Variants in CSMD3 observed in about 807,000 individuals in gnomAD.
CSMD3 encodes the protein CUB and sushi domain-containing protein 3.
In CSMD3, 177 loss-of-function variants were observed where a neutral mutation model predicts 435.2. The ratio of observed to expected loss-of-function variants is 0.41; its 90% CI spans 0.36 to 0.46. The LOEUF (loss-of-function observed/expected upper bound fraction) is 0.46, where lower values mean the gene tolerates loss of function less well. CSMD3 is among the 20% of genes least tolerant of loss of function. The pLI, the probability that CSMD3 is intolerant of heterozygous loss-of-function variation, is 0.34. For missense variants in CSMD3, 4,265 were observed against 4,504.6 expected (o/e 0.95, Z 1.52); for synonymous variants, 1,656 against 1,520.5 (o/e 1.09, Z -2.07).
Position 112,569,653 on chromosome 8 carries a change from A to G in CSMD3, c.4042+3848T>C, listed in dbSNP as rs193056275. Among the ~76,000 whole-genome samples, 232 of 152,308 alleles carry G rather than the reference A, an allele frequency of 1.5e-3. 1 individual carries two copies. The highest frequency in any genetic ancestry group is 1.2e-3 in the Non-Finnish European group (79 of 68,012). ...ATAGATAATGGAATACAGGGTGACT[A>G]TCATTAAATAGGGCAGGTATCATTT... On this transcript the variant is annotated intron_variant, in intron 24 of 70. Coordinates refer to ENST00000297405, the MANE Select transcript of CSMD3 (RefSeq NM_198123.2).
rs369067249 is a variant in CSMD3, at chr8:112,380,339, A to G, written c.6136+13T>C. 228 of 1,369,548 alleles carry G rather than the reference A, an allele frequency of 1.7e-4. No individual in the cohort carries two copies. The highest frequency in any genetic ancestry group is 1.8e-4 in the Non-Finnish European group (173 of 958,028). 84.8% of individuals were successfully genotyped at this position (1,369,548 alleles called of 1,614,324 possible). A position where few individuals can be genotyped will look rare whatever the true frequency, so the allele number is the denominator to read the frequency against. On this transcript the variant is annotated intron_variant, in intron 38 of 70. Transcript: ENST00000297405. ...TCTTAACCTTTTTGAATGGCACATG[A>G]TATTATTTTTACCTGTGTATTCAAG...
At chr8:113,055,749 TAGCAGA>T (rs1416263785) in intron 5 of CSMD3, among the ~76,000 whole-genome samples, 1 of 152,208 alleles carries the variant, frequency 6.6e-6, no homozygotes, top group Non-Finnish European at 1.5e-5. Context: ...TTTTCAGGGA[TAGCAGA>T]GTTTCTTGAG....
intron 32 of CSMD3, among the ~76,000 whole-genome samples, chr8:112,435,230 G>A (rs372719130): frequency 6.6e-6 from 1 of 151,984 alleles, no homozygotes; most frequent in East Asian, 1.9e-4. Flanking sequence ...CTTTTTGTGC[G>A]GGTAGATAGC....
chr8:113,327,666 T>C (rs1317879402), intron 1 of CSMD3, among the ~76,000 whole-genome samples: 2 of 152,118 alleles, frequency 1.3e-5, no homozygotes, highest in Non-Finnish European at 2.9e-5. Flanking sequence ...CTATTTAACC[T>C]ATCTTGCATT....
chr8:112,257,129 A>C (rs1420315650), intron 61 of CSMD3, among the ~76,000 whole-genome samples: 1 of 152,232 alleles, frequency 6.6e-6, no homozygotes, highest in South Asian at 2.1e-4. Flanking sequence ...ACAGCTATTT[A>C]TAACAAACCC....
chr8:112,850,352 T>C (rs2080450065), intron 11 of CSMD3, among the ~76,000 whole-genome samples: 1 of 152,148 alleles, frequency 6.6e-6, no homozygotes, highest in African/African-American at 2.4e-5. Flanking sequence ...TTACAAATAA[T>C]GACAAATATA....
intron 5 of CSMD3, among the ~76,000 whole-genome samples, chr8:113,047,291 G>C (rs1315110454): frequency 6.6e-6 from 1 of 152,180 alleles, no homozygotes; most frequent in Non-Finnish European, 1.5e-5. Context: ...GTGAGGAAGG[G>C]ATTTTCTGTT....
At chr8:112,692,447 T>C (rs139206934) in intron 13 of CSMD3, among the ~76,000 whole-genome samples, 5 of 152,260 alleles carry the variant, frequency 3.3e-5, no homozygotes, top group Admixed American at 3.3e-4. Context: ...GTATTCAGTA[T>C]ATGTATATCG....
intron 3 of CSMD3, among the ~76,000 whole-genome samples, chr8:113,194,901 G>A (rs951552868): frequency 8.6e-5 from 13 of 151,124 alleles, no homozygotes; most frequent in African/African-American, 1.7e-4. Context: ...TATGTATTTC[G>A]TTAAAGTCTT....
chr8:113,278,625 C>A lies in CSMD3; in HGVS notation c.481G>T (p.Val161Phe). 1 of 1,593,684 alleles carries A rather than the reference C, an allele frequency of 6.3e-7. No homozygotes were observed. The highest frequency in any genetic ancestry group is 8.6e-7 in the Non-Finnish European group (1 of 1,161,770). ...FSLRLTSDFA[V>F]SAHGFKVYYE... ...TATACCTTAAATCCATGAGCACTAA[C>A]TGCAAAATCACTGGTCAAACGTAGT... The change falls in exon 3 of 71, where the codon GTT (valine) becomes TTT (phenylalanine). Residue 161 changes from valine (V) to phenylalanine (F), a missense_variant. Val to Phe is a conservative substitution (Grantham distance 50). Transcript: ENST00000297405.
At chr8:113,171,599 C>A (rs2092268830) in intron 4 of CSMD3, among the ~76,000 whole-genome samples, 1 of 151,936 alleles carries the variant, frequency 6.6e-6, no homozygotes, top group South Asian at 2.1e-4. Context: ...CATATAATAT[C>A]CAATTCCTCC....
chr8:112,599,499 C>A lies in CSMD3; in HGVS notation c.3716-12264G>T, dbSNP rs1343839800. On this transcript the variant is annotated intron_variant, in intron 22 of 70. Coordinates refer to ENST00000297405, the MANE Select transcript of CSMD3 (RefSeq NM_198123.2). ...ATCTAGAACTAGAAATACCATTTGA[C>A]CCAGCCATCCCATTACTGGGTATAC... Among the ~76,000 whole-genome samples, 5 of 151,784 alleles carry A rather than the reference C, an allele frequency of 3.3e-5. No individual in the cohort carries two copies. The East Asian group carries it at 5.9e-4, about 18-fold the overall frequency.
chr8:112,677,120 T>G (rs1277796359), intron 16 of CSMD3, among the ~76,000 whole-genome samples: 2 of 151,780 alleles, frequency 1.3e-5, no homozygotes, highest in African/African-American at 4.8e-5. Context: ...CAGAGTACAG[T>G]GGAGTGGATT....
chr8:112,342,429 T>C (rs985668030), intron 41 of CSMD3, among the ~76,000 whole-genome samples: 1 of 152,144 alleles, frequency 6.6e-6, no homozygotes, highest in African/African-American at 2.4e-5. Flanking sequence ...TTCTTACTAT[T>C]ATCACTCTCT....
intron 20 of CSMD3, among the ~76,000 whole-genome samples, chr8:112,641,388 G>GT (rs1282505410): frequency 2.6e-5 from 4 of 152,132 alleles, no homozygotes; most frequent in Admixed American, 1.3e-4. Context: ...TTAGAAGACT[G>GT]TAAGTAACTC....
At chr8:112,379,391 C>T (rs773272207) in intron 38 of CSMD3, among the ~76,000 whole-genome samples, 3 of 152,070 alleles carry the variant, frequency 2.0e-5, no homozygotes, top group Non-Finnish European at 4.4e-5. Context: ...ATCGCTTGAA[C>T]CCAGGAGGCG....
Position 112,410,604 on chromosome 8 carries a change from GTA to G in CSMD3, c.5396-1574_5396-1573del, listed in dbSNP as rs369175036. Among the ~76,000 whole-genome samples the G allele has an allele frequency of 1.4e-3, 55 of 39,542 alleles. 5 individuals are homozygous for G. Among genetic ancestry groups the G allele is most frequent in the South Asian group, 4.1e-3 (6 of 1,466 alleles). 25.9% of individuals were successfully genotyped at this position (39,542 alleles called of 152,430 possible). ...TACATACATATGTATATATATATGT[GTA>G]TATATATATGTATATATATGTGTAT... is the stretch of plus-strand genomic sequence containing the variant. On this transcript the variant is annotated intron_variant, in intron 32 of 70. Transcript: ENST00000297405.
At chr8:113,153,130 A>AGAAAGAAAGAAAGAAAGAGAAAGAAG (rs2091859152) in intron 4 of CSMD3, among the ~76,000 whole-genome samples, 1 of 82,764 alleles carries the variant, frequency 1.2e-5, no homozygotes, top group African/African-American at 6.2e-5. Flanking sequence ...AGAAAGAGAA[A>AGAAAGAAAGAAAGAAAGAGAAAGAAG]GAAGGAAGGA....
At chr8:112,662,800 C>A (rs938428169) in intron 17 of CSMD3, among the ~76,000 whole-genome samples, 3 of 152,018 alleles carry the variant, frequency 2.0e-5, no homozygotes, top group Non-Finnish European at 2.9e-5. Context: ...TATCCAGAAT[C>A]TACAATGAAC....
Sources: allele counts gnomAD v4.1 joint callset (sites outside exome capture counted in the v4.1 genomes callset), GRCh38; gene constraint gnomAD v4.1.1; transcripts MANE v1.5; gene names NCBI Gene and HGNC (gene_info 2026-07-23, HGNC 2026-07-21).